The following KCNIP2 variants were observed in gnomAD, a reference collection of about 807,000 sequenced individuals.
KCNIP2 encodes the protein A-type potassium channel modulatory protein KCNIP2.
In KCNIP2, 19 loss-of-function variants were observed where a neutral mutation model predicts 39.0. That is an observed-to-expected ratio of 0.49 (90% CI 0.34 to 0.71). The LOEUF is 0.71. Among genes scored for constraint, KCNIP2 ranks in the 30% least tolerant of loss-of-function variants. The probability of loss-of-function intolerance (pLI) is 0.01; values close to 1 mark genes in which losing one functional copy is unlikely to be tolerated. For missense variants in KCNIP2, 261 were observed against 346.0 expected, an observed-to-expected ratio of 0.75 and a Z score of 1.95; for synonymous variants, 111 against 131.2, an observed-to-expected ratio of 0.85 and a Z score of 1.05.
In KCNIP2 at chr10:101,828,467, G is replaced by A. The variant is rs762341879; in HGVS notation, c.419-8C>T. The A allele has an allele frequency of 1.2e-6, 2 of 1,613,888 alleles. No homozygotes were observed. Among genetic ancestry groups the A allele is most frequent in the Non-Finnish European group, 1.7e-6 (2 of 1,179,930 alleles). Reference sequence around the variant, plus strand: ...TGGCATAGGTGCTGGAGTCTGCAGGGTGAGTGTGGAGAAGTTGGCTTCCAC... The same window carrying A: ...TGGCATAGGTGCTGGAGTCTGCAGGATGAGTGTGGAGAAGTTGGCTTCCAC... On this transcript the variant is annotated splice_region_variant and splice_polypyrimidine_tract_variant and intron_variant, in intron 5 of 9. Transcript: ENST00000356640. The surrounding 1 kb of genome is among the most constrained non-coding windows in gnomAD (Gnocchi z 6.6).
At chr10:101,840,798 C>G (rs929232173) in intron 1 of KCNIP2, among the ~76,000 whole-genome samples, 3 of 152,118 alleles carry the variant, frequency 2.0e-5, no homozygotes, top group African/African-American at 7.2e-5. Flanking sequence ...GGCGACTATC[C>G]CCACCGCAAA....
At chr10:101,829,451 G>C in intron 3 of KCNIP2, 1 of 499,002 alleles carries the variant, frequency 2.0e-6, no homozygotes, top group Non-Finnish European at 3.5e-6. Flanking sequence ...CTCGCCCCGC[G>C]GCCCTCGATC....
At chr10:101,835,904 T>A (rs1461878446) in intron 1 of KCNIP2, among the ~76,000 whole-genome samples, 2 of 152,244 alleles carry the variant, frequency 1.3e-5, no homozygotes, top group African/African-American at 4.8e-5. Context: ...AAAGAGAAGT[T>A]AAGCAAATCT....
intron 1 of KCNIP2, chr10:101,839,905 C>G: frequency 6.7e-7 from 1 of 1,496,274 alleles, no homozygotes; most frequent in South Asian, 1.3e-5. Flanking sequence ...GGTCTCCGCC[C>G]TCACCCGGGT....
chr10:101,830,650 C>T lies in KCNIP2; in HGVS notation c.169+422G>A, dbSNP rs1012940863. ...CACGCCCCCTTATGCTCCAGCCTTG[C>T]CAGCACCCGCCCTCGCCACGCTGGT... is the stretch of plus-strand genomic sequence containing the variant. On this transcript the variant is annotated intron_variant, in intron 2 of 9. Transcript: ENST00000356640. Among the ~76,000 whole-genome samples, 3 of 151,754 alleles carry T rather than the reference C, an allele frequency of 2.0e-5. No homozygotes were observed. In the South Asian group the frequency reaches 6.2e-4, roughly 32 times the overall value.
At chr10:101,834,372 TG>T (rs1206423156) in intron 1 of KCNIP2, 1 of 399,116 alleles carries the variant, frequency 2.5e-6, no homozygotes, top group East Asian at 3.6e-5. Flanking sequence ...AGGTTCATGG[TG>T]GGCCTGGGGC....
At chr10:101,839,957 T>G in intron 1 of KCNIP2, 2 of 938,914 alleles carry the variant, frequency 2.1e-6, no homozygotes, top group Non-Finnish European at 3.0e-6. Context: ...CCGGCAGGCA[T>G]AGGATCGAAA....
rs2305190 is a variant in KCNIP2 at position 101,827,124 on chromosome 10, G to C, written c.*229C>G. ...TCAACACTGGGTGTCAGGCAGGAAG[G>C]GGGTGAGAGCTGGTGGGAGTTGGGA... On this transcript the variant is annotated 3_prime_UTR_variant, in exon 10 of 10. Coordinates refer to ENST00000356640, the MANE Select transcript of KCNIP2 (RefSeq NM_173191.3). The C allele has an allele frequency of 3.3e-4, 352 of 1,059,662 alleles. 2 individuals carry two copies. In the East Asian group the frequency reaches 8.2e-3, roughly 25 times the overall value. The allele number at this position is 1,059,662 out of a possible 1,614,324, so 65.6% of individuals were successfully genotyped here. A position where few individuals can be genotyped will look rare whatever the true frequency, so the allele number is the denominator to read the frequency against.
chr10:101,839,756 G>C, intron 1 of KCNIP2: 2 of 1,612,714 alleles, frequency 1.2e-6, no homozygotes, highest in South Asian at 1.1e-5. Context: ...ATCATACCTG[G>C]GGACAGCGAC....
At chr10:101,839,758 G>T in intron 1 of KCNIP2, 1 of 1,612,752 alleles carries the variant, frequency 6.2e-7, no homozygotes. Context: ...CATACCTGGG[G>T]ACAGCGACCC....
intron 3 of KCNIP2, 52 bp from the exon 4 acceptor site, chr10:101,829,251 T>C (rs1293971252): frequency 1.3e-6 from 2 of 1,554,706 alleles, no homozygotes; most frequent in Non-Finnish European, 1.7e-6. Flanking sequence ...CCGCGACCCC[T>C]CTTCAAATCA....
intron 3 of KCNIP2, chr10:101,829,479 G>A (rs1369596668): frequency 1.0e-5 from 5 of 482,034 alleles, no homozygotes; most frequent in African/African-American, 2.0e-5. Context: ...GGAGGGGAAG[G>A]CCCCCAGCCG....
In KCNIP2 at chr10:101,827,275, G is replaced by C. The variant is rs1233457939; in HGVS notation, c.*78C>G. 4 of 1,507,064 alleles carry C rather than the reference G, an allele frequency of 2.7e-6. No individual in the cohort carries two copies. The East Asian group carries it at 9.2e-5, about 35-fold the overall frequency. The allele number at this position is 1,507,064 out of a possible 1,614,324, so 93.4% of individuals were successfully genotyped here. On this transcript the variant is annotated 3_prime_UTR_variant, in exon 10 of 10. Transcript: ENST00000356640. ...AGGCGTAGGATGAGGATAGACCTGG[G>C]AAGAGAAGGGTGAGGTCCGCCTGGA...
chr10:101,830,883 CACAT>C (rs2065966286), intron 2 of KCNIP2, among the ~76,000 whole-genome samples, 185 bp downstream of exon 2: 2 of 150,644 alleles, frequency 1.3e-5, no homozygotes, highest in Admixed American at 1.3e-4. Context: ...CACATGCACA[CACAT>C]ACACACGCAC....
At chr10:101,836,478 T>C (rs2066166852) in intron 1 of KCNIP2, among the ~76,000 whole-genome samples, 1 of 152,092 alleles carries the variant, frequency 6.6e-6, no homozygotes, top group Non-Finnish European at 1.5e-5. Flanking sequence ...TGAAGTGATC[T>C]GCCCCCGTCG....
intron 1 of KCNIP2, chr10:101,839,746 A>T (rs1228923789): frequency 1.2e-6 from 2 of 1,611,972 alleles, no homozygotes; most frequent in Admixed American, 3.3e-5. Flanking sequence ...TCCCTTCCTC[A>T]TCATACCTGG....
chr10:101,832,479 C>T (rs558154846), intron 1 of KCNIP2, among the ~76,000 whole-genome samples: 4 of 152,118 alleles, frequency 2.6e-5, no homozygotes, highest in Non-Finnish European at 4.4e-5. Context: ...CCTCCATATA[C>T]CCCACCCTCC....
intron 1 of KCNIP2, among the ~76,000 whole-genome samples, chr10:101,841,432 G>T (rs1246474468): frequency 6.6e-6 from 1 of 152,160 alleles, no homozygotes; most frequent in Admixed American, 6.5e-5. Flanking sequence ...TGACACTGGC[G>T]TCCCAACCCG....
chr10:101,827,092 G>A lies in KCNIP2; in HGVS notation c.*261C>T, dbSNP rs779904326. 1.0e-4 allele frequency: 70 copies of A among 685,302 alleles called. No individual in the cohort carries two copies. In the Middle Eastern group the frequency reaches 2.4e-3, roughly 24 times the overall value. The allele number at this position is 685,302 out of a possible 1,614,324, so 42.5% of individuals were successfully genotyped here. A position where few individuals can be genotyped will look rare whatever the true frequency, so the allele number is the denominator to read the frequency against. ...GGAACCGCTCAATTCCTACAGGAGG[G>A]GCACTCTCAACACTGGGTGTCAGGC... On this transcript the variant is annotated 3_prime_UTR_variant, in exon 10 of 10. Coordinates refer to ENST00000356640, the MANE Select transcript of KCNIP2 (RefSeq NM_173191.3).
Sources: gnomAD v4.1 joint callset for allele counts (sites outside exome capture counted in the v4.1 genomes callset) on GRCh38, gnomAD v4.1.1 for gene constraint, Gnocchi (gnomAD v3.1) non-coding constraint, MANE v1.5 for transcripts, NCBI Gene and HGNC (gene_info 2026-07-23, HGNC 2026-07-21) for gene names.